ALDH1A2: variants seen among roughly 807,000 people sequenced by gnomAD.
The protein encoded by ALDH1A2 is retinal dehydrogenase 2.
A neutral mutation model predicts 60.3 loss-of-function variants in ALDH1A2; 27 were observed. That is an observed-to-expected ratio of 0.45 (90% CI 0.33 to 0.62). The LOEUF (loss-of-function observed/expected upper bound fraction) is 0.62, where lower values mean the gene tolerates loss of function less well. Among genes scored for constraint, ALDH1A2 ranks in the 20% least tolerant of loss-of-function variants. The pLI, the probability that ALDH1A2 is intolerant of heterozygous loss-of-function variation, is 0.02. For synonymous variants in ALDH1A2, 289 were observed against 232.4 expected (o/e 1.24, Z -2.21); for missense variants, 581 against 643.8 (o/e 0.90, Z 1.06).
intron 1 of ALDH1A2, among the ~76,000 whole-genome samples, chr15:58,028,995 A>G (rs1292485401): frequency 6.6e-6 from 1 of 152,180 alleles, no homozygotes; most frequent in Non-Finnish European, 1.5e-5. Context: ...CATCTACAAG[A>G]AAGAAGGTTA....
intron 12 of ALDH1A2, 67 bp from the exon 13 acceptor site, chr15:57,955,336 A>C (rs1053658997): frequency 1.3e-6 from 2 of 1,534,462 alleles, no homozygotes; most frequent in African/African-American, 2.7e-5. Flanking sequence ...GTGCAGCGGG[A>C]GTCCTGGGGA....
chr15:57,983,739 T>A (rs1479704900), intron 7 of ALDH1A2, among the ~76,000 whole-genome samples: 2 of 152,170 alleles, frequency 1.3e-5, no homozygotes, highest in African/African-American at 4.8e-5. Flanking sequence ...CACACCACAC[T>A]CTAATAGTTA....
At chr15:57,987,881 CAA>C (rs34307559) in intron 7 of ALDH1A2, among the ~76,000 whole-genome samples, 4,072 of 92,194 alleles carry the variant, frequency 0.044, 123 homozygotes, top group African/African-American at 0.12. Context: ...GCTGACCCCT[CAA>C]AAAAAAAAAA....
At chr15:57,967,355 C>CAGTA (rs1468757224) in intron 7 of ALDH1A2, among the ~76,000 whole-genome samples, 1 of 152,128 alleles carries the variant, frequency 6.6e-6, no homozygotes, top group African/African-American at 2.4e-5. Context: ...GCCTGGCACA[C>CAGTA]AGTAAGTGTG....
Position 57,965,704 on chromosome 15 carries a change from T to A in ALDH1A2, c.901+21A>T, listed in dbSNP as rs1306608225. On this transcript the variant is annotated intron_variant, in intron 8 of 12. Transcript: ENST00000249750. ...CAAAGGGTGTGTGGTGGTTCATGTA[T>A]GGGACCTGTAGTTGACTTACAGTCA... 1.9e-6 allele frequency: 3 copies of A among 1,559,178 alleles called. No homozygotes were observed. The Admixed American group carries it at 5.0e-5, about 26-fold the overall frequency.
chr15:57,998,088 TATC>T (rs1308118586), intron 4 of ALDH1A2, among the ~76,000 whole-genome samples: 11 of 151,936 alleles, frequency 7.2e-5, no homozygotes, highest in African/African-American at 2.7e-4. Flanking sequence ...TCACAGCCAA[TATC>T]ATACTGAACA....
intron 12 of ALDH1A2, among the ~76,000 whole-genome samples, chr15:57,959,842 C>CTGAAGTATG (rs1893663193): frequency 1.3e-5 from 2 of 152,018 alleles, no homozygotes; most frequent in African/African-American, 4.8e-5. Context: ...GTGAAACTAT[C>CTGAAGTATG]TGAAGTATGT....
chr15:58,055,177 C>T (rs1896866608), intron 1 of ALDH1A2, among the ~76,000 whole-genome samples: 1 of 151,990 alleles, frequency 6.6e-6, no homozygotes. Context: ...AATTGCCACC[C>T]ACTATTGCTG....
At chr15:58,041,452 C>G (rs551484034) in intron 1 of ALDH1A2, among the ~76,000 whole-genome samples, 1 of 152,004 alleles carries the variant, frequency 6.6e-6, no homozygotes, top group African/African-American at 2.4e-5. Flanking sequence ...AAAATACCAT[C>G]AACTTTGTGG....
At chr15:57,990,763 C>G (rs1894868340) in intron 7 of ALDH1A2, 1 of 150,990 alleles carries the variant, frequency 6.6e-6, no homozygotes, top group Admixed American at 6.7e-5. Context: ...ATAATCCCAG[C>G]TACTTGGGAG....
chr15:57,963,766 G>C, intron 9 of ALDH1A2, 119 bp downstream of exon 9: 1 of 1,005,108 alleles, frequency 9.9e-7, no homozygotes, highest in Non-Finnish European at 1.5e-6. Flanking sequence ...AGACATGGTG[G>C]AGAATAAAGG....
intron 7 of ALDH1A2, chr15:57,980,304 C>A: frequency 2.4e-6 from 1 of 414,222 alleles, no homozygotes; most frequent in South Asian, 2.1e-5. Flanking sequence ...CTCATGTTCC[C>A]ACTCTCAAAC....
At chr15:58,028,899 G>T (rs1210220433) in intron 1 of ALDH1A2, among the ~76,000 whole-genome samples, 2 of 152,094 alleles carry the variant, frequency 1.3e-5, no homozygotes, top group African/African-American at 4.8e-5. Flanking sequence ...GACTCATGAA[G>T]CAAGTCCTTA....
chr15:58,025,796 G>A (rs112465974), intron 1 of ALDH1A2, among the ~76,000 whole-genome samples: 146 of 152,340 alleles, frequency 9.6e-4, no homozygotes, highest in African/African-American at 3.0e-3. Context: ...GGCAGAATGT[G>A]AAGGGGAAGC....
chr15:57,961,418 C>G (rs975947667), intron 10 of ALDH1A2, 124 bp from the exon 11 acceptor site: 1 of 1,211,680 alleles, frequency 8.3e-7, no homozygotes, highest in Non-Finnish European at 1.2e-6. Context: ...CAGTACAAAA[C>G]TGTAAAATCT....
chr15:58,040,895 A>G (rs1455377439), intron 1 of ALDH1A2, among the ~76,000 whole-genome samples: 3 of 151,998 alleles, frequency 2.0e-5, no homozygotes, highest in African/African-American at 7.2e-5. Flanking sequence ...TCCTGTTTAT[A>G]GATTAGGAAA....
intron 4 of ALDH1A2, among the ~76,000 whole-genome samples, chr15:58,005,358 C>T (rs779475624): frequency 3.3e-5 from 5 of 149,716 alleles, no homozygotes; most frequent in Non-Finnish European, 5.9e-5. Flanking sequence ...ACTTGTTTTT[C>T]TTACTGTCCT....
intron 7 of ALDH1A2, among the ~76,000 whole-genome samples, chr15:57,978,621 T>C (rs539288878): frequency 1.3e-5 from 2 of 152,302 alleles, no homozygotes; most frequent in South Asian, 4.1e-4. Context: ...TCACATTATC[T>C]CATGGAGCAG....
Position 57,970,692 on chromosome 15 carries a change from C to T in ALDH1A2, c.799-4865G>A, listed in dbSNP as rs565121054. 5.9e-5 allele frequency among the ~76,000 whole-genome samples: 9 copies of T among 152,134 alleles called. 1 individual carries two copies. The South Asian group carries it at 1.2e-3, about 21-fold the overall frequency. On this transcript the variant is annotated intron_variant, in intron 7 of 12. Coordinates refer to ENST00000249750, the MANE Select transcript of ALDH1A2 (RefSeq NM_003888.4). ...GTTCCTACTCAGAGCTATTTTATTA[C>T]ACATATCAAGGTAGATTTTTCTCAG... is the stretch of plus-strand genomic sequence containing the variant.
Sources: allele counts gnomAD v4.1 joint callset (sites outside exome capture counted in the v4.1 genomes callset), GRCh38; gene constraint gnomAD v4.1.1; transcripts MANE v1.5; gene names NCBI Gene and HGNC (gene_info 2026-07-23, HGNC 2026-07-21).